Variants in FHOD3 observed in about 807,000 individuals in gnomAD.
FHOD3 encodes the protein FH1/FH2 domain-containing protein 3.
Under a neutral mutation model 173.0 loss-of-function variants are expected in FHOD3, and 90 were observed. That is an observed-to-expected ratio of 0.52 (90% CI 0.44 to 0.62). The LOEUF (loss-of-function observed/expected upper bound fraction) is 0.62. Ranked by LOEUF, FHOD3 falls within the 20% of genes least tolerant of loss-of-function variation. FHOD3 has a pLI of 0.00. For missense variants in FHOD3, 1,945 were observed against 2,034.7 expected, an observed-to-expected ratio of 0.96 and a Z score of 0.85; for synonymous variants, 828 against 823.0, an observed-to-expected ratio of 1.01 and a Z score of -0.10.
At chr18:36,651,414 G>A (rs1356990838) in intron 11 of FHOD3, among the ~76,000 whole-genome samples, 1 of 152,126 alleles carries the variant, frequency 6.6e-6, no homozygotes, top group African/African-American at 2.4e-5. Flanking sequence ...CCTGAAGATG[G>A]AAAGCTCTTT....
At chr18:36,686,994 G>T in intron 15 of FHOD3, 134 bp from the exon 16 acceptor site, 1 of 603,718 alleles carries the variant, frequency 1.7e-6, no homozygotes, top group Non-Finnish European at 2.9e-6. Flanking sequence ...TAAAAATTCA[G>T]CTACAACCAT....
In FHOD3 at chr18:36,718,522, G is replaced by A. The variant is rs1711039046; in HGVS notation, c.3224G>A (p.Gly1075Asp). Residue 1075 changes from glycine (G) to aspartate (D), a missense_variant, in exon 19 of 29, where the codon GGT becomes GAT. Gly to Asp is a moderately conservative substitution (Grantham distance 94, BLOSUM62 -1). Around this residue, in one of 5 missense-constraint regions of FHOD3, gnomAD observed 1,099 missense variants for 1,051.2 expected, o/e 1.05. Transcript: ENST00000590592. Reference sequence around the variant, plus strand: ...TTAGGGTGGTCCCAGGTACCCAGGGGTCAGCCCACATTCACTAAGAAAAAG... The same window carrying A: ...TTAGGGTGGTCCCAGGTACCCAGGGATCAGCCCACATTCACTAAGAAAAAG... ...QGLGWSQVPRGQPTFTKKKKT... is the reference protein window; with the variant it reads ...QGLGWSQVPRDQPTFTKKKKT... 6.2e-7 allele frequency: 1 copy of A among 1,614,112 alleles called. No individual in the cohort carries two copies.
chr18:36,462,831 T>G (rs1599226526), intron 3 of FHOD3, among the ~76,000 whole-genome samples: 1 of 152,200 alleles, frequency 6.6e-6, no homozygotes, highest in African/African-American at 2.4e-5. Flanking sequence ...CTACCTATAT[T>G]GCCCCGATTA....
intron 3 of FHOD3, among the ~76,000 whole-genome samples, chr18:36,382,567 C>T (rs1449143135): frequency 1.3e-5 from 2 of 152,150 alleles, no homozygotes; most frequent in Non-Finnish European, 2.9e-5. Flanking sequence ...ACTAGAAGGT[C>T]AGAGGCAAAA....
chr18:36,535,028 C>T (rs1364171921), intron 5 of FHOD3, among the ~76,000 whole-genome samples: 1 of 152,148 alleles, frequency 6.6e-6, no homozygotes, highest in Admixed American at 6.5e-5. Context: ...CTAACTTGTC[C>T]CGTTTGTTCC....
chr18:36,686,490 G>C (rs1251342609), intron 15 of FHOD3, among the ~76,000 whole-genome samples: 1 of 151,246 alleles, frequency 6.6e-6, no homozygotes, highest in East Asian at 2.0e-4. Context: ...GCCTGTCAGT[G>C]GGGGGATTGG....
rs528604361 is a variant in FHOD3 at position 36,771,433 on chromosome 18, C to G, written c.4786+2007C>G. On this transcript the variant is annotated intron_variant, in intron 28 of 28. Transcript: ENST00000590592. ...TCCTGTGGTTTTAATTTGCATTTCC[C>G]TTCACTCTGAGGAGGCTGAGCCTAT... 4.8e-4 allele frequency among the ~76,000 whole-genome samples: 73 copies of G among 152,304 alleles called. 1 individual carries two copies. The East Asian group carries it at 0.013, about 28-fold the overall frequency.
chr18:36,780,121 G>C lies in FHOD3; in HGVS notation c.*591G>C, dbSNP rs1600701413. On this transcript the variant is annotated 3_prime_UTR_variant, in exon 29 of 29. Coordinates refer to ENST00000590592, the MANE Select transcript of FHOD3 (RefSeq NM_001281740.3). ...ACAGTTCCACAGGCTCGCCTCTTCA[G>C]AATGGCAAAACTCTTCTCAGTGTCC... 1 of 1,232,024 alleles carries C rather than the reference G, an allele frequency of 8.1e-7. No homozygotes were observed. Among genetic ancestry groups the C allele is most frequent in the East Asian group, 3.2e-5 (1 of 31,708 alleles). 76.3% of individuals were successfully genotyped at this position (1,232,024 alleles called of 1,614,324 possible).
intron 3 of FHOD3, among the ~76,000 whole-genome samples, chr18:36,450,028 G>A (rs114337986): frequency 0.01 from 1,571 of 152,052 alleles, 31 homozygotes; most frequent in African/African-American, 0.036. Flanking sequence ...TCACTGGAGC[G>A]GTATACACTG....
At chr18:36,417,585 A>G (rs2049736013) in intron 3 of FHOD3, among the ~76,000 whole-genome samples, 1 of 152,202 alleles carries the variant, frequency 6.6e-6, no homozygotes, top group African/African-American at 2.4e-5. Flanking sequence ...ATACCCAGTA[A>G]TGGGATTGCT....
At chr18:36,707,535 C>T (rs2039949219) in intron 17 of FHOD3, among the ~76,000 whole-genome samples, 1 of 152,202 alleles carries the variant, frequency 6.6e-6, no homozygotes, top group Non-Finnish European at 1.5e-5. Flanking sequence ...CCTGACTCAT[C>T]CTCAGAGGAT....
intron 3 of FHOD3, among the ~76,000 whole-genome samples, chr18:36,439,567 GTA>G (rs1260981945): frequency 1.6e-3 from 240 of 146,026 alleles, no homozygotes; most frequent in African/African-American, 5.5e-3. Flanking sequence ...GTGTGTGTGT[GTA>G]TGTATGTAGT....
At chr18:36,499,699 G>T (rs1362990914) in intron 3 of FHOD3, among the ~76,000 whole-genome samples, 2 of 152,132 alleles carry the variant, frequency 1.3e-5, no homozygotes, top group African/African-American at 2.4e-5. Context: ...ATATGTTGAG[G>T]CCACACAGAC....
At chr18:36,772,348 A>C (rs2043423828) in intron 28 of FHOD3, among the ~76,000 whole-genome samples, 1 of 152,252 alleles carries the variant, frequency 6.6e-6, no homozygotes, top group Non-Finnish European at 1.5e-5. Flanking sequence ...AACAACAAAA[A>C]GCAATTTGCA....
At chr18:36,777,298 G>C (rs2043748268) in intron 28 of FHOD3, among the ~76,000 whole-genome samples, 1 of 150,732 alleles carries the variant, frequency 6.6e-6, no homozygotes, top group African/African-American at 2.5e-5. Context: ...CGCCTCCCAG[G>C]TTCAAGCAAT....
At chr18:36,427,275 T>A (rs1427011688) in intron 3 of FHOD3, among the ~76,000 whole-genome samples, 1 of 134,224 alleles carries the variant, frequency 7.5e-6, no homozygotes, top group African/African-American at 2.8e-5. Flanking sequence ...CTAGAACTGA[T>A]CTTGCTTCTC....
chr18:36,351,041 G>C (rs754001917), intron 1 of FHOD3, among the ~76,000 whole-genome samples: 2 of 152,096 alleles, frequency 1.3e-5, no homozygotes, highest in Non-Finnish European at 1.5e-5. Context: ...CCTGTGTCTC[G>C]GGTGTAATGA....
chr18:36,457,143 A>C (rs2052265918), intron 3 of FHOD3, among the ~76,000 whole-genome samples: 1 of 152,114 alleles, frequency 6.6e-6, no homozygotes, highest in Admixed American at 6.5e-5. Context: ...GCTGAGATGC[A>C]TGTGCCTTGG....
chr18:36,748,752 C>A (rs571397666), intron 24 of FHOD3, among the ~76,000 whole-genome samples: 1 of 152,152 alleles, frequency 6.6e-6, no homozygotes, highest in South Asian at 2.1e-4. Context: ...AGTGGCCAGT[C>A]CAAAGTATCT....
Sources: allele counts gnomAD v4.1 joint callset (sites outside exome capture counted in the v4.1 genomes callset), GRCh38; gene constraint gnomAD v4.1.1; regional missense constraint gnomAD v4.1.1; transcripts MANE v1.5; gene names NCBI Gene and HGNC (gene_info 2026-07-23, HGNC 2026-07-21).